SLC44A2: variants seen among roughly 807,000 people sequenced by gnomAD.
SLC44A2 encodes the protein choline transporter-like protein 2.
Under a neutral mutation model 90.8 loss-of-function variants are expected in SLC44A2, and 57 were observed. The ratio of observed to expected loss-of-function variants is 0.63; its 90% CI spans 0.51 to 0.78. SLC44A2 has a LOEUF of 0.78. SLC44A2 is among the 30% of genes least tolerant of loss of function. The pLI is 0.00. For missense variants in SLC44A2, 794 were observed against 919.7 expected, an observed-to-expected ratio of 0.86 and a Z score of 1.77; for synonymous variants, 355 against 360.7, an observed-to-expected ratio of 0.98 and a Z score of 0.18.
chr19:10,635,139 G>A (rs768844017), intron 12 of SLC44A2, 24 bp from the exon 13 acceptor site: 103 of 1,613,606 alleles, frequency 6.4e-5, no homozygotes, highest in East Asian at 2.2e-4. Context: ...TTGCCCTGAC[G>A]CCTGTGTCTC....
At chr19:10,636,269 A>G in intron 14 of SLC44A2, 54 bp from the exon 15 acceptor site, 1 of 1,565,602 alleles carries the variant, frequency 6.4e-7, no homozygotes, top group East Asian at 2.3e-5. Context: ...CTCAGAGCCC[A>G]CTGTGAACCC....
chr19:10,624,032 C>T (rs774765784), upstream of SLC44A2, among the ~76,000 whole-genome samples: 1 of 151,524 alleles, frequency 6.6e-6, no homozygotes, highest in South Asian at 2.1e-4. Context: ...GACACTCGCT[C>T]TGTCACCCAG....
At chr19:10,643,022 G>A (rs373758628) in intron 21 of SLC44A2, 848 of 1,540,326 alleles carry the variant, frequency 5.5e-4, no homozygotes, top group Non-Finnish European at 6.8e-4. Flanking sequence ...GGAGTAGAGA[G>A]TGAGGGAGAC....
In SLC44A2 at chr19:10,631,715, C is replaced by G; in HGVS notation, c.592C>G (p.Arg198Gly). The G allele has an allele frequency of 6.2e-7, 1 of 1,613,024 alleles. No homozygotes were observed. The highest frequency in any genetic ancestry group is 8.5e-7 in the Non-Finnish European group (1 of 1,180,042). Reference sequence around the variant, plus strand: ...GACCTATGAGGATGGGCATGGCTCCCGGAAAAACATCACAGACCTGGTGGA... The same window carrying G: ...GACCTATGAGGATGGGCATGGCTCCGGGAAAAACATCACAGACCTGGTGGA... ...ETTYEDGHGS[R>G]KNITDLVEGA... Residue 198 changes from arginine to glycine, a missense_variant, in exon 8 of 22, where the codon CGG (arginine) becomes GGG (glycine). Physicochemically the swap from Arg to Gly is moderately radical, Grantham distance 125. Coordinates refer to ENST00000335757, the MANE Select transcript of SLC44A2 (RefSeq NM_020428.4).
At position 10,632,081 on chromosome 19, in the gene SLC44A2, A is replaced by C; in HGVS notation, c.748A>C (p.Ile250Leu). 6.2e-7 allele frequency: 1 copy of C among 1,613,978 alleles called. No individual in the cohort carries two copies. The highest frequency in any genetic ancestry group is 1.1e-5 in the South Asian group (1 of 91,068). Residue 250 changes from isoleucine (I) to leucine (L), a missense_variant, in exon 10 of 22, where the codon ATC (isoleucine) becomes CTC (leucine). Ile to Leu is a conservative substitution (Grantham distance 5, BLOSUM62 2). Transcript: ENST00000335757. The stretch of plus-strand genomic sequence containing the variant: ...TGCCATGGCGATGAGCCTCCTGTTC[A>C]TCATCCTGCTTCGCTTCCTGGCTGG... ...VIAMAMSLLF[I>L]ILLRFLAGIM...
chr19:10,631,474 G>C lies in SLC44A2; in HGVS notation c.442-1G>C. On this transcript the variant is annotated splice_acceptor_variant, in intron 6 of 21. Coordinates refer to ENST00000335757, the MANE Select transcript of SLC44A2 (RefSeq NM_020428.4). LOFTEE classifies it high-confidence loss of function. ...TCACCTCCCTCCATCTCTCTTGGCA[G>C]GGAGTGGCTGAGGTGCTTCAAGATG... is the stretch of plus-strand genomic sequence containing the variant. 1 of 1,614,116 alleles carries C rather than the reference G, an allele frequency of 6.2e-7. No homozygotes were observed. The highest frequency in any genetic ancestry group is 8.5e-7 in the Non-Finnish European group (1 of 1,180,028).
intron 1 of SLC44A2, among the ~76,000 whole-genome samples, chr19:10,608,226 G>GAA (rs71164103): frequency 2.4e-5 from 3 of 123,976 alleles, no homozygotes; most frequent in African/African-American, 3.1e-5. Flanking sequence ...CCGTCTCAAA[G>GAA]AAAAAAAAAA....
At chr19:10,603,020 A>T (rs914644265) in intron 1 of SLC44A2, among the ~76,000 whole-genome samples, 4 of 152,214 alleles carry the variant, frequency 2.6e-5, no homozygotes, top group Non-Finnish European at 5.9e-5. Context: ...AAGACTGGGC[A>T]GACCGAATAC....
intron 1 of SLC44A2, among the ~76,000 whole-genome samples, chr19:10,615,864 G>A (rs1273381877): frequency 6.6e-6 from 1 of 151,766 alleles, no homozygotes; most frequent in Non-Finnish European, 1.5e-5. Context: ...AGGAGGTGCT[G>A]TAAAGATGAA....
At chr19:10,618,070 T>C (rs2066869479) in intron 1 of SLC44A2, among the ~76,000 whole-genome samples, 1 of 152,172 alleles carries the variant, frequency 6.6e-6, no homozygotes, top group Admixed American at 6.6e-5. Flanking sequence ...AGTGGCGTGA[T>C]CTCGGCTCAC....
rs2067136908 is a variant in SLC44A2 at position 10,643,193 on chromosome 19, T to C, written c.2015-86T>C. Reference sequence around the variant, plus strand: ...GCTTTCTAACCCTCTGAGGCTTCTCTGTGACCCTCATCCACCTACCCTGTC... The same window carrying C: ...GCTTTCTAACCCTCTGAGGCTTCTCCGTGACCCTCATCCACCTACCCTGTC... On this transcript the variant is annotated intron_variant, in intron 21 of 21. Coordinates refer to ENST00000335757, the MANE Select transcript of SLC44A2 (RefSeq NM_020428.4). The C allele has an allele frequency of 4.6e-6, 7 of 1,508,928 alleles. No homozygotes were observed. In the Admixed American group the frequency reaches 1.3e-4, roughly 28 times the overall value. The allele number at this position is 1,508,928 out of a possible 1,614,324, so 93.5% of individuals were successfully genotyped here.
At chr19:10,631,778 T>C in intron 8 of SLC44A2, 29 bp downstream of exon 8, 2 of 1,614,066 alleles carry the variant, frequency 1.2e-6, no homozygotes, top group Non-Finnish European at 1.7e-6. Context: ...CGCGCCAGGG[T>C]CTCACTTTGC....
At chr19:10,643,135 T>G in intron 21 of SLC44A2, 144 bp from the exon 22 acceptor site, 2 of 1,452,532 alleles carry the variant, frequency 1.4e-6, no homozygotes, top group South Asian at 1.4e-5. Flanking sequence ...CGGAGCCCAC[T>G]ACAGTCTGCC....
At position 10,642,411 on chromosome 19, in the gene SLC44A2, C is replaced by T. The variant is rs751765593; in HGVS notation, c.1974C>T (p.Ser658=). 14 of 1,614,014 alleles carry T rather than the reference C, an allele frequency of 8.7e-6. No homozygotes were observed. The South Asian group carries it at 1.2e-4, about 14-fold the overall frequency. Residue 658 remains serine (S), a synonymous_variant, in exon 21 of 22, where the codon AGC becomes AGT. Coordinates refer to ENST00000335757, the MANE Select transcript of SLC44A2 (RefSeq NM_020428.4). ...ACTTGATTGCACACGGTTTCTTCAGCGTCTATGGCATGTGTGTGGACACGC... is the reference window on the plus strand; with the variant it reads ...ACTTGATTGCACACGGTTTCTTCAGTGTCTATGGCATGTGTGTGGACACGC... ...GSYLIAHGFF[S]VYGMCVDTLF...
At chr19:10,628,936 C>T (rs1447723790) in intron 4 of SLC44A2, among the ~76,000 whole-genome samples, 2 of 151,692 alleles carry the variant, frequency 1.3e-5, no homozygotes, top group Non-Finnish European at 2.9e-5. Context: ...CACCTGGCAT[C>T]GCTGGGCGTG....
At chr19:10,617,640 C>A (rs2144822218) in intron 1 of SLC44A2, among the ~76,000 whole-genome samples, 1 of 152,314 alleles carries the variant, frequency 6.6e-6, no homozygotes, top group South Asian at 2.1e-4. Flanking sequence ...CTCAAACACC[C>A]TCCATGGCTC....
intron 7 of SLC44A2, 44 bp downstream of exon 7, chr19:10,631,579 C>T: frequency 6.2e-7 from 1 of 1,614,006 alleles, no homozygotes. Flanking sequence ...GACGGGGAGG[C>T]TCTGCAGAGG....
chr19:10,631,303 A>T lies in SLC44A2; in HGVS notation c.359A>T (p.Tyr120Phe). Residue 120 changes from tyrosine to phenylalanine, a missense_variant, in exon 6 of 22, where the codon TAC (tyrosine) becomes TTC (phenylalanine). Around this residue, in one of 3 missense-constraint regions of SLC44A2, gnomAD observed 738 missense variants for 841.1 expected, o/e 0.88. Coordinates refer to ENST00000335757, the MANE Select transcript of SLC44A2 (RefSeq NM_020428.4). ...QICVEKCPDR[Y>F]LTYLNARSSR... ...TGCGTGGAAAAATGCCCCGACCGCT[A>T]CCTCACGTACCTGAATGCTCGCAGC... is the stretch of plus-strand genomic sequence containing the variant. 1.9e-6 allele frequency: 3 copies of T among 1,614,066 alleles called. No individual in the cohort carries two copies. Among genetic ancestry groups the T allele is most frequent in the Non-Finnish European group, 2.5e-6 (3 of 1,180,016 alleles).
intron 1 of SLC44A2, 111 bp from the exon 2 acceptor site, chr19:10,626,142 T>G: frequency 1.1e-6 from 1 of 885,178 alleles, no homozygotes; most frequent in Non-Finnish European, 1.9e-6. Flanking sequence ...TCTCTGAATT[T>G]TATTCTTGCC....
Sources: gnomAD v4.1 joint callset for allele counts (sites outside exome capture counted in the v4.1 genomes callset) on GRCh38, gnomAD v4.1.1 for gene constraint, gnomAD v4.1.1 regional missense constraint, MANE v1.5 for transcripts, NCBI Gene and HGNC (gene_info 2026-07-23, HGNC 2026-07-21) for gene names.